The following GALNTL6 variants were observed in gnomAD, a reference collection of about 807,000 sequenced individuals.
GALNTL6 encodes polypeptide N-acetylgalactosaminyltransferase-like 6.
In GALNTL6, 46 loss-of-function variants were observed where a neutral mutation model predicts 73.7. That is an observed-to-expected ratio of 0.62 (90% confidence interval 0.49 to 0.80). GALNTL6 has a LOEUF of 0.80. GALNTL6 is among the 30% of genes least tolerant of loss of function. The probability of loss-of-function intolerance (pLI) is 0.00; values close to 1 mark genes in which losing one functional copy is unlikely to be tolerated. For missense variants in GALNTL6, 604 were observed against 755.0 expected (o/e 0.80, Z 2.34); for synonymous variants, 259 against 263.7 (o/e 0.98, Z 0.17).
chr4:172,572,055 C>T (rs558436662), intron 5 of GALNTL6, among the ~76,000 whole-genome samples: 27 of 152,136 alleles, frequency 1.8e-4, no homozygotes, highest in Non-Finnish European at 2.8e-4. Context: ...ACCCATATCT[C>T]CCCAGACTGA....
intron 2 of GALNTL6, among the ~76,000 whole-genome samples, chr4:171,820,207 A>C (rs909508660): frequency 4.6e-5 from 7 of 152,162 alleles, no homozygotes; most frequent in African/African-American, 1.7e-4. Flanking sequence ...AGGCATCATG[A>C]CCTCTAACTT....
At chr4:171,903,852 C>T (rs1560833788) in intron 2 of GALNTL6, among the ~76,000 whole-genome samples, 1 of 152,132 alleles carries the variant, frequency 6.6e-6, no homozygotes, top group African/African-American at 2.4e-5. Flanking sequence ...CCCTGAGCAG[C>T]CTAACTGGCA....
In GALNTL6 at chr4:172,627,536, G is replaced by GT. The variant is rs796834112; in HGVS notation, c.554-181813dup. Among the ~76,000 whole-genome samples the GT allele has an allele frequency of 3.0e-3, 416 of 137,838 alleles. 1 individual carries two copies. Among genetic ancestry groups the GT allele is most frequent in the Non-Finnish European group, 4.4e-3 (276 of 62,914 alleles). The allele number at this position is 137,838 out of a possible 152,430, so 90.4% of individuals were successfully genotyped here. On this transcript the variant is annotated intron_variant, in intron 5 of 12. Transcript: ENST00000506823. ...AGTTGGGAAGAAATGCCTCTTCCTT[G>GT]TTTTTTTTTTTTCGAATAGTTTCAG...
At chr4:171,979,753 A>T (rs1195756309) in intron 2 of GALNTL6, among the ~76,000 whole-genome samples, 2 of 152,210 alleles carry the variant, frequency 1.3e-5, no homozygotes, top group Non-Finnish European at 2.9e-5. Flanking sequence ...GAAGAAACAA[A>T]GTCTCTGGCC....
intron 2 of GALNTL6, among the ~76,000 whole-genome samples, chr4:171,877,482 A>G (rs1410453267): frequency 6.6e-6 from 1 of 152,176 alleles, no homozygotes; most frequent in Non-Finnish European, 1.5e-5. Context: ...CCTTCATAGA[A>G]AGTGCCCAAC....
chr4:172,795,274 A>G lies in GALNTL6; in HGVS notation c.554-14087A>G, dbSNP rs150637998. ...TCTTGAGCAGACAAGAAAGGATGAG[A>G]TCCTGTACACAAATAGAGAGGGTGG... is the stretch of plus-strand genomic sequence containing the variant. On this transcript the variant is annotated intron_variant, in intron 5 of 12. Coordinates refer to ENST00000506823, the MANE Select transcript of GALNTL6 (RefSeq NM_001034845.3). 1.0e-3 allele frequency among the ~76,000 whole-genome samples: 154 copies of G among 152,304 alleles called. 1 individual carries two copies. In the South Asian group the frequency reaches 0.022, roughly 22 times the overall value.
intron 7 of GALNTL6, among the ~76,000 whole-genome samples, chr4:172,863,462 A>G (rs187348886): frequency 6.6e-6 from 1 of 152,166 alleles, no homozygotes; most frequent in East Asian, 1.9e-4. Flanking sequence ...GGAGTGAGAC[A>G]TGGAGTCAAA....
intron 5 of GALNTL6, among the ~76,000 whole-genome samples, chr4:172,403,194 T>G (rs1744101206): frequency 1.3e-5 from 2 of 151,902 alleles, no homozygotes; most frequent in African/African-American, 4.8e-5. Flanking sequence ...TCAAATGAAC[T>G]TTCAAACTTC....
chr4:172,232,158 G>A (rs1737094034), intron 3 of GALNTL6, among the ~76,000 whole-genome samples: 1 of 151,934 alleles, frequency 6.6e-6, no homozygotes, highest in Non-Finnish European at 1.5e-5. Flanking sequence ...AAACATCTTT[G>A]TACTTCATAT....
rs140298399 is a variant in GALNTL6, at chr4:173,040,138, A to G, written c.*38A>G. The G allele has an allele frequency of 8.0e-6, 12 of 1,491,168 alleles. No homozygotes were observed. The African/African-American group carries it at 9.8e-5, about 12-fold the overall frequency. 92.4% of individuals were successfully genotyped at this position (1,491,168 alleles called of 1,614,324 possible). The stretch of plus-strand genomic sequence containing the variant: ...AAGAAAGAGTGATTACCTACAGGTT[A>G]TAAATTAAATTTTAGCCAGCATCTG... On this transcript the variant is annotated 3_prime_UTR_variant, in exon 13 of 13. Coordinates refer to ENST00000506823, the MANE Select transcript of GALNTL6 (RefSeq NM_001034845.3).
At chr4:171,819,690 T>C (rs946674850) in intron 2 of GALNTL6, among the ~76,000 whole-genome samples, 1 of 152,086 alleles carries the variant, frequency 6.6e-6, no homozygotes, top group African/African-American at 2.4e-5. Flanking sequence ...ACATCAACAA[T>C]AACATTACAG....
chr4:172,873,911 AC>A (rs1745066633), intron 7 of GALNTL6, among the ~76,000 whole-genome samples: 1 of 152,238 alleles, frequency 6.6e-6, no homozygotes, highest in Non-Finnish European at 1.5e-5. Context: ...AGGAAATGAG[AC>A]CAAAATTGCC....
At chr4:172,181,253 C>CA (rs1735232113) in intron 2 of GALNTL6, among the ~76,000 whole-genome samples, 1 of 152,134 alleles carries the variant, frequency 6.6e-6, no homozygotes, top group African/African-American at 2.4e-5. Flanking sequence ...AGCAGCACAT[C>CA]AAAAAGTATA....
chr4:171,994,543 TGAA>T (rs1165608369), intron 2 of GALNTL6, among the ~76,000 whole-genome samples: 1 of 151,952 alleles, frequency 6.6e-6, no homozygotes, highest in African/African-American at 2.4e-5. Flanking sequence ...GGATGAGAGA[TGAA>T]GGACTACACA....
At chr4:172,014,649 A>G (rs1741130202) in intron 2 of GALNTL6, among the ~76,000 whole-genome samples, 1 of 151,818 alleles carries the variant, frequency 6.6e-6, no homozygotes, top group Non-Finnish European at 1.5e-5. Flanking sequence ...CAGATTGTCT[A>G]TTTGTGCTCT....
At chr4:172,942,195 A>G (rs1157957057) in intron 9 of GALNTL6, among the ~76,000 whole-genome samples, 4 of 152,250 alleles carry the variant, frequency 2.6e-5, no homozygotes, top group African/African-American at 9.6e-5. Context: ...CAGATTACTT[A>G]CAACTTGGAC....
At chr4:172,962,305 G>A (rs1231113288) in intron 10 of GALNTL6, among the ~76,000 whole-genome samples, 1 of 152,180 alleles carries the variant, frequency 6.6e-6, no homozygotes, top group Non-Finnish European at 1.5e-5. Flanking sequence ...TGGCTCAGAG[G>A]CCTGACATTT....
At chr4:172,396,683 G>A (rs1288530434) in intron 5 of GALNTL6, among the ~76,000 whole-genome samples, 1 of 152,048 alleles carries the variant, frequency 6.6e-6, no homozygotes, top group Admixed American at 6.6e-5. Context: ...TAACTTCTAG[G>A]ATATGTGAGG....
At chr4:172,152,645 G>A (rs540148353) in intron 2 of GALNTL6, among the ~76,000 whole-genome samples, 46 of 152,304 alleles carry the variant, frequency 3.0e-4, no homozygotes, top group African/African-American at 1.1e-3. Context: ...GTTGAGCTCT[G>A]ACGCTGAGGC....
Sources: gnomAD v4.1 joint callset for allele counts (sites outside exome capture counted in the v4.1 genomes callset) on GRCh38, gnomAD v4.1.1 for gene constraint, MANE v1.5 for transcripts, NCBI Gene and HGNC (gene_info 2026-07-23, HGNC 2026-07-21) for gene names.